CHRDL1: variants seen among roughly 807,000 people sequenced by gnomAD.
CHRDL1 encodes the protein chordin-like protein 1.
CHRDL1 carries 19 observed loss-of-function variants against 40.9 expected under a neutral mutation model. The ratio of observed to expected loss-of-function variants is 0.46; its 90% CI spans 0.32 to 0.68. CHRDL1 has a LOEUF of 0.68. Among genes scored for constraint, CHRDL1 ranks in the 30% least tolerant of loss-of-function variants. The pLI is 0.03. For missense variants in CHRDL1, 329 were observed against 352.1 expected (o/e 0.93, Z 0.53); for synonymous variants, 136 against 123.4 (o/e 1.10, Z -0.68).
intron 2 of CHRDL1, among the ~76,000 whole-genome samples, chrX:110,780,186 T>C (rs1008408433): frequency 5.4e-5 from 6 of 110,817 alleles, no homozygotes; most frequent in Non-Finnish European, 7.6e-5. Flanking sequence ...CCATTTCCCA[T>C]CTTACTGCAT....
chrX:110,694,490 T>G (rs1430157899), intron 7 of CHRDL1, among the ~76,000 whole-genome samples, 159 bp from the exon 8 acceptor site: 1 of 112,203 alleles, frequency 8.9e-6, no homozygotes, highest in Non-Finnish European at 1.9e-5. Context: ...GATGTGGTCA[T>G]GTACAAGCAG....
intron 10 of CHRDL1, among the ~76,000 whole-genome samples, chrX:110,680,693 A>C (rs2148408828): frequency 8.9e-6 from 1 of 111,932 alleles, no homozygotes; most frequent in East Asian, 2.8e-4. Flanking sequence ...TAGCAAAAAG[A>C]TGTGTATATT....
chrX:110,768,778 CAG>C (rs1384717445), intron 2 of CHRDL1, among the ~76,000 whole-genome samples: 33 of 110,973 alleles, frequency 3.0e-4, no homozygotes, highest in African/African-American at 1.1e-3. Flanking sequence ...TTTTGGGGCT[CAG>C]ACTGAGCCAC....
intron 1 of CHRDL1, among the ~76,000 whole-genome samples, chrX:110,794,350 G>T (rs1312621205): frequency 8.9e-6 from 1 of 111,878 alleles, no homozygotes; most frequent in African/African-American, 3.3e-5. Flanking sequence ...AGGCTGTTGT[G>T]CCATTGAACT....
At chrX:110,713,852 A>G (rs1029349226) in intron 6 of CHRDL1, among the ~76,000 whole-genome samples, 2 of 111,412 alleles carry the variant, frequency 1.8e-5, no homozygotes, top group African/African-American at 6.5e-5. Flanking sequence ...CTTGGCTTTC[A>G]ATACAGTTAA....
chrX:110,687,625 T>C (rs896484450), intron 9 of CHRDL1, among the ~76,000 whole-genome samples: 4 of 111,840 alleles, frequency 3.6e-5, no homozygotes, highest in Admixed American at 9.5e-5. Flanking sequence ...GTGCCTGGGA[T>C]TGACTAAATC....
chrX:110,717,134 A>G (rs187921851), intron 6 of CHRDL1, among the ~76,000 whole-genome samples: 125 of 111,942 alleles, frequency 1.1e-3, no homozygotes, highest in Non-Finnish European at 2.0e-3. Flanking sequence ...GACAGTCCAC[A>G]GACCACCATT....
intron 9 of CHRDL1, among the ~76,000 whole-genome samples, chrX:110,687,910 T>C (rs5942679): frequency 0.013 from 1,453 of 111,990 alleles, 11 homozygotes; most frequent in African/African-American, 0.03. Context: ...TATTTTCTAC[T>C]GGCATAGAAA....
intron 4 of CHRDL1, among the ~76,000 whole-genome samples, chrX:110,736,539 T>C (rs888532464): frequency 8.9e-6 from 1 of 111,844 alleles, no homozygotes; most frequent in South Asian, 3.8e-4. Flanking sequence ...TTATCATCTT[T>C]GGACTTACCA....
intron 2 of CHRDL1, among the ~76,000 whole-genome samples, chrX:110,765,153 ACC>A (rs2148512521): frequency 9.0e-6 from 1 of 110,636 alleles, no homozygotes; most frequent in South Asian, 3.9e-4. Context: ...TGATCTTGTG[ACC>A]TACTCCCTGT....
intron 11 of CHRDL1, among the ~76,000 whole-genome samples, chrX:110,677,780 C>A (rs1401552342): frequency 1.8e-5 from 2 of 111,790 alleles, no homozygotes; most frequent in Non-Finnish European, 1.9e-5. Flanking sequence ...GCTCAGATGG[C>A]TCTTAAGCAT....
chrX:110,744,993 AC>A (rs1435068825), intron 4 of CHRDL1, among the ~76,000 whole-genome samples: 17 of 95,162 alleles, frequency 1.8e-4, no homozygotes, highest in African/African-American at 1.0e-3. Context: ...ACACACACAC[AC>A]ATACATACCA....
chrX:110,687,885 T>C (rs1026816184), intron 9 of CHRDL1, among the ~76,000 whole-genome samples: 1 of 111,927 alleles, frequency 8.9e-6, no homozygotes, highest in Non-Finnish European at 1.9e-5. Flanking sequence ...TTAACTTGTC[T>C]TTTTTATCAG....
At chrX:110,738,439 T>C (rs1402724451) in intron 4 of CHRDL1, among the ~76,000 whole-genome samples, 1 of 111,429 alleles carries the variant, frequency 9.0e-6, no homozygotes, top group African/African-American at 3.3e-5. Flanking sequence ...TAATTGAAAA[T>C]AGAAAACACC....
At chrX:110,719,203 A>G (rs1403930656) in intron 6 of CHRDL1, among the ~76,000 whole-genome samples, 2 of 111,559 alleles carry the variant, frequency 1.8e-5, no homozygotes, top group Admixed American at 1.9e-4. Context: ...TGGTAATCTG[A>G]GAAGAGGTAA....
At chrX:110,687,798 T>A (rs1446940912) in intron 9 of CHRDL1, among the ~76,000 whole-genome samples, 2 of 111,549 alleles carry the variant, frequency 1.8e-5, no homozygotes, top group Non-Finnish European at 1.9e-5. Context: ...TGATTACCCA[T>A]CCTATATTCT....
intron 4 of CHRDL1, among the ~76,000 whole-genome samples, chrX:110,753,782 CA>C (rs897756790): frequency 3.6e-5 from 4 of 110,012 alleles, no homozygotes; most frequent in Admixed American, 2.9e-4. Flanking sequence ...TGATTAAAGA[CA>C]AAAAAAAGCA....
At chrX:110,725,836 T>C (rs2071046277) in intron 4 of CHRDL1, among the ~76,000 whole-genome samples, 1 of 112,057 alleles carries the variant, frequency 8.9e-6, no homozygotes, top group Non-Finnish European at 1.9e-5. Context: ...CTGAGCCTGA[T>C]GCTAGCATTT....
chrX:110,727,121 C>T (rs1012196668), intron 4 of CHRDL1, among the ~76,000 whole-genome samples: 4 of 111,891 alleles, frequency 3.6e-5, no homozygotes, highest in Admixed American at 9.5e-5. Flanking sequence ...GTCAAATAAT[C>T]ACAAATTGCC....
Sources: gnomAD v4.1 joint callset for allele counts (sites outside exome capture counted in the v4.1 genomes callset) on GRCh38, gnomAD v4.1.1 for gene constraint, MANE v1.5 for transcripts, NCBI Gene and HGNC (gene_info 2026-07-23, HGNC 2026-07-21) for gene names.